The following LLGL2 variants were observed in gnomAD, a reference collection of about 807,000 sequenced individuals.
The protein encoded by LLGL2 is LLGL2, scribble cell polarity complex component.
In LLGL2, 81 loss-of-function variants were observed where a neutral mutation model predicts 123.2. That is an observed-to-expected ratio of 0.66 (90% CI 0.55 to 0.79). The LOEUF is 0.79. Among genes scored for constraint, LLGL2 ranks in the 30% least tolerant of loss-of-function variants. LLGL2 has a pLI of 0.00. For synonymous variants in LLGL2, 577 were observed against 594.1 expected (o/e 0.97, Z 0.42); for missense variants, 1,273 against 1,414.6 (o/e 0.90, Z 1.61).
intron 6 of LLGL2, 61 bp from the exon 7 acceptor site, chr17:75,562,955 T>C: frequency 6.3e-7 from 1 of 1,590,798 alleles, no homozygotes; most frequent in Non-Finnish European, 8.5e-7. Flanking sequence ...GGCTGTGCCA[T>C]GCTGGGGGCC....
At chr17:75,532,925 C>T (rs909534198) in intron 1 of LLGL2, among the ~76,000 whole-genome samples, 5 of 152,296 alleles carry the variant, frequency 3.3e-5, no homozygotes, top group East Asian at 3.9e-4. Context: ...CTCAGTGTTT[C>T]GTGGGGTCAG....
At chr17:75,528,348 C>T (rs1262437382) in intron 1 of LLGL2, among the ~76,000 whole-genome samples, 1 of 152,112 alleles carries the variant, frequency 6.6e-6, no homozygotes, top group Non-Finnish European at 1.5e-5. Flanking sequence ...ATCTCCTGAC[C>T]TCGTGATCTG....
intron 1 of LLGL2, among the ~76,000 whole-genome samples, chr17:75,537,041 G>C (rs142232099): frequency 1.3e-5 from 2 of 151,970 alleles, no homozygotes; most frequent in Non-Finnish European, 2.9e-5. Flanking sequence ...CAGGCTGCTC[G>C]CAAACTCCTG....
rs2055570176 is a variant in LLGL2 at position 75,569,000 on chromosome 17, T to A, written c.1345T>A (p.Phe449Ile). 1 of 1,612,816 alleles carries A rather than the reference T, an allele frequency of 6.2e-7. No homozygotes were observed. Among genetic ancestry groups the A allele is most frequent in the Non-Finnish European group, 8.5e-7 (1 of 1,179,762 alleles). ...CAGGCACGAGGACGGCACGGTGCGG[T>A]TCTGGGATGCCTCGGGTGTCTGCCT... ...LTGHEDGTVRFWDASGVCLRL... is the reference protein window; with the variant it reads ...LTGHEDGTVRIWDASGVCLRL... Residue 449 changes from phenylalanine to isoleucine, a missense_variant, in exon 13 of 26, where the codon TTC (phenylalanine) becomes ATC (isoleucine). By Grantham distance (21) the Phe-to-Ile change is conservative. Coordinates refer to ENST00000392550, the MANE Select transcript of LLGL2 (RefSeq NM_001031803.2).
chr17:75,549,446 C>T lies in LLGL2; in HGVS notation c.75+5945C>T, dbSNP rs150325508. ...AGCACCTGCCTGGGCCTTCCCTGCC[C>T]GTGCCCACCCTCCTCTGTCCCCTTA... On this transcript the variant is annotated intron_variant, in intron 2 of 25. Transcript: ENST00000392550. The surrounding 1 kb of genome is among the most constrained non-coding windows in gnomAD (Gnocchi z 4.0). 6.6e-5 allele frequency among the ~76,000 whole-genome samples: 10 copies of T among 152,320 alleles called. No homozygotes were observed. Among genetic ancestry groups the T allele is most frequent in the Non-Finnish European group, 1.2e-4 (8 of 68,024 alleles).
intron 1 of LLGL2, among the ~76,000 whole-genome samples, chr17:75,530,055 C>T (rs1401534340): frequency 6.6e-6 from 1 of 152,106 alleles, no homozygotes; most frequent in East Asian, 1.9e-4. Flanking sequence ...ACAGCAGGCA[C>T]CCAGTGAGGG....
In LLGL2 at chr17:75,544,057, C is replaced by T. The variant is rs572308225; in HGVS notation, c.75+556C>T. Among the ~76,000 whole-genome samples the T allele has an allele frequency of 4.6e-5, 7 of 152,230 alleles. No homozygotes were observed. The highest frequency in any genetic ancestry group is 7.2e-5 in the African/African-American group (3 of 41,532). On this transcript the variant is annotated intron_variant, in intron 2 of 25. Coordinates refer to ENST00000392550, the MANE Select transcript of LLGL2 (RefSeq NM_001031803.2). The surrounding 1 kb of genome is among the most constrained non-coding windows in gnomAD (Gnocchi z 4.2). ...CAGGAGAATGAGCCGGAGTTGGCCT[C>T]GGACTACCCCAATCCCAAACCTGTA...
intron 19 of LLGL2, 85 bp from the exon 20 acceptor site, chr17:75,572,929 T>C (rs1661713): frequency 0.38 from 556,815 of 1,479,022 alleles, 112,523 homozygotes; most frequent in African/African-American, 0.75. Context: ...GGGAGGCATG[T>C]GGGGAGGGGA....
chr17:75,551,059 G>A (rs1268053184), intron 2 of LLGL2, among the ~76,000 whole-genome samples: 2 of 152,124 alleles, frequency 1.3e-5, no homozygotes, highest in Non-Finnish European at 2.9e-5. Context: ...TGTCCTCATA[G>A]GACTGCCTGA....
intron 1 of LLGL2, among the ~76,000 whole-genome samples, chr17:75,530,298 T>C (rs183130095): frequency 2.6e-5 from 4 of 151,218 alleles, no homozygotes; most frequent in Admixed American, 2.6e-4. Flanking sequence ...AACCCAGGAG[T>C]TCAAGACCAG....
At chr17:75,567,466 AAAAAT>A (rs1375548198) in intron 10 of LLGL2, among the ~76,000 whole-genome samples, 1 of 151,614 alleles carries the variant, frequency 6.6e-6, no homozygotes, top group African/African-American at 2.4e-5. Flanking sequence ...CTCCGTCTCA[AAAAAT>A]AAAAAAGAAA....
intron 2 of LLGL2, 122 bp from the exon 3 acceptor site, chr17:75,555,923 GA>G (rs1048985943): frequency 5.4e-5 from 38 of 698,700 alleles, no homozygotes; most frequent in Non-Finnish European, 8.5e-5. Flanking sequence ...AGGTGTCTGG[GA>G]GGAACCGGAA....
intron 2 of LLGL2, among the ~76,000 whole-genome samples, chr17:75,552,731 A>G (rs1440349368): frequency 2.0e-5 from 3 of 152,256 alleles, no homozygotes; most frequent in South Asian, 4.1e-4. Flanking sequence ...GCCTGAGTCC[A>G]GCCCCTGTTC....
chr17:75,570,816 C>A, intron 16 of LLGL2, 134 bp from the exon 17 acceptor site: 1 of 1,216,170 alleles, frequency 8.2e-7, no homozygotes, highest in Non-Finnish European at 1.1e-6. Context: ...ACAAGGGTCC[C>A]TCTAGACGCA....
chr17:75,560,820 A>AC (rs1433789679), intron 6 of LLGL2, among the ~76,000 whole-genome samples: 8 of 113,246 alleles, frequency 7.1e-5, no homozygotes, highest in Admixed American at 2.3e-4. Context: ...AAAAAAAAAA[A>AC]AAAAAAAAAA....
intron 8 of LLGL2, 117 bp from the exon 9 acceptor site, chr17:75,563,635 T>A: frequency 6.8e-7 from 1 of 1,479,150 alleles, no homozygotes; most frequent in East Asian, 2.3e-5. Flanking sequence ...GGAGCAAGAT[T>A]CCCAAGCACA....
At position 75,562,956 on chromosome 17, in the gene LLGL2, G is replaced by C. The variant is rs371526333; in HGVS notation, c.531-60G>C. 12 of 1,590,718 alleles carry C rather than the reference G, an allele frequency of 7.5e-6. No individual in the cohort carries two copies. In the Admixed American group the frequency reaches 1.0e-4, roughly 13 times the overall value. On this transcript the variant is annotated intron_variant, in intron 6 of 25. Transcript: ENST00000392550. ...ATAGGGAGCCCCATGGCTGTGCCAT[G>C]CTGGGGGCCATTCCCCCTGGTGGAC...
rs549850701 is a variant in LLGL2, at chr17:75,565,325, C to T, written c.1036+818C>T. Among the ~76,000 whole-genome samples, 265 of 152,346 alleles carry T rather than the reference C, an allele frequency of 1.7e-3. 1 individual carries two copies. Among genetic ancestry groups the T allele is most frequent in the Non-Finnish European group, 2.5e-3 (171 of 68,036 alleles). On this transcript the variant is annotated intron_variant, in intron 10 of 25. Transcript: ENST00000392550. ...CAGGAGCTCTCCAGGAGGGAGGGCC[C>T]TCTCCTAATGATGCTGGCCTGAAAG...
chr17:75,550,918 C>T (rs953812295), intron 2 of LLGL2, among the ~76,000 whole-genome samples: 1 of 152,152 alleles, frequency 6.6e-6, no homozygotes, highest in Admixed American at 6.6e-5. Context: ...TCTAGCTTCT[C>T]CCTGTCCCTT....
Sources: allele counts gnomAD v4.1 joint callset (sites outside exome capture counted in the v4.1 genomes callset), GRCh38; gene constraint gnomAD v4.1.1; non-coding constraint Gnocchi (gnomAD v3.1); transcripts MANE v1.5; gene names NCBI Gene and HGNC (gene_info 2026-07-23, HGNC 2026-07-21).